The following KCNAB2 variants were observed in gnomAD, a reference collection of about 807,000 sequenced individuals.
The protein encoded by KCNAB2 is voltage-gated potassium channel subunit beta-2.
KCNAB2 carries 29 observed loss-of-function variants against 63.6 expected under a neutral mutation model. The observed-to-expected ratio is 0.46, with a 90% CI of 0.34 to 0.62. KCNAB2 has a LOEUF of 0.62. Among genes scored for constraint, KCNAB2 ranks in the 20% least tolerant of loss-of-function variants. The pLI, the probability that KCNAB2 is intolerant of heterozygous loss-of-function variation, is 0.01. For synonymous variants in KCNAB2, 222 were observed against 224.2 expected, an observed-to-expected ratio of 0.99 and a Z score of 0.09; for missense variants, 359 against 563.9, an observed-to-expected ratio of 0.64 and a Z score of 3.68.
rs955055846 is a variant in KCNAB2, at chr1:6,096,024, G to A, written c.948+400G>A. On this transcript the variant is annotated intron_variant, in intron 13 of 15. Coordinates refer to ENST00000378083, the MANE Select transcript of KCNAB2 (RefSeq NM_001199862.2). This position sits in a 1 kb window ranked among gnomAD's most constrained non-coding sequence, Gnocchi z 5.9. ...ACATGGAGGTGACCCTGGGAGAGGC[G>A]CCCCTCCCCACCACACAACCTCTGA... The A allele has an allele frequency of 1.0e-4, 47 of 457,378 alleles. No individual in the cohort carries two copies. Among genetic ancestry groups the A allele is most frequent in the South Asian group, 9.3e-5 (6 of 64,258 alleles). 28.3% of individuals were successfully genotyped at this position (457,378 alleles called of 1,614,324 possible).
chr1:6,062,093 G>A (rs1465831322), intron 2 of KCNAB2, among the ~76,000 whole-genome samples: 6 of 151,998 alleles, frequency 3.9e-5, no homozygotes, highest in Admixed American at 6.6e-5. Flanking sequence ...CAGGCGGATC[G>A]CCTGAGGTCG....
chr1:6,092,457 G>A lies in KCNAB2; in HGVS notation c.646+1150G>A, dbSNP rs1443787313. Among the ~76,000 whole-genome samples, 3 of 152,394 alleles carry A rather than the reference G, an allele frequency of 2.0e-5. No individual in the cohort carries two copies. The East Asian group carries it at 5.8e-4, about 29-fold the overall frequency. ...CCTTGGAGACCTGAGACAGCTGCCG[G>A]GGAGGGAGAGTGAGGGAACGGGGCT... On this transcript the variant is annotated intron_variant, in intron 10 of 15. Coordinates refer to ENST00000378083, the MANE Select transcript of KCNAB2 (RefSeq NM_001199862.2).
At chr1:6,036,291 C>T (rs1019615249) in intron 1 of KCNAB2, among the ~76,000 whole-genome samples, 2 of 151,958 alleles carry the variant, frequency 1.3e-5, no homozygotes, top group African/African-American at 4.8e-5. Context: ...TCACTTGAGG[C>T]CGGGAGTTGG....
At position 6,035,756 on chromosome 1, in the gene KCNAB2, T is replaced by G. The variant is rs1331069331; in HGVS notation, c.-53+962T>G. ...TAAACAGCTCTGGGGTTCAGGGGAG[T>G]GGTAGAGGGGGTGGGGTCTGCAGCA... On this transcript the variant is annotated intron_variant, in intron 1 of 15. Coordinates refer to the KCNAB2 transcript ENST00000164247. This position sits in a 1 kb window ranked among gnomAD's most constrained non-coding sequence, Gnocchi z 5.0. Among the ~76,000 whole-genome samples the G allele has an allele frequency of 2.3e-4, 30 of 133,116 alleles. No homozygotes were observed. The highest frequency in any genetic ancestry group is 4.9e-4 in the South Asian group (2 of 4,098). 87.3% of individuals were successfully genotyped at this position (133,116 alleles called of 152,430 possible).
At chr1:6,000,368 G>A (rs1335200455) in intron 1 of KCNAB2, among the ~76,000 whole-genome samples, 2 of 152,224 alleles carry the variant, frequency 1.3e-5, no homozygotes, top group African/African-American at 4.8e-5. Flanking sequence ...CCGTTCCGCA[G>A]GGACACAGGG....
intron 2 of KCNAB2, among the ~76,000 whole-genome samples, chr1:6,061,678 T>C (rs1557468460): frequency 6.6e-6 from 1 of 152,198 alleles, no homozygotes; most frequent in African/African-American, 2.4e-5. Flanking sequence ...CATGCACTGA[T>C]ACAGAGTAAT....
chr1:6,027,601 C>G (rs1419901893), intron 1 of KCNAB2: 1 of 152,202 alleles, frequency 6.6e-6, no homozygotes, highest in Non-Finnish European at 1.5e-5. Flanking sequence ...GTGGACTGTT[C>G]TTGCAAAAGT....
At chr1:6,012,655 A>T (rs1308777292) in intron 1 of KCNAB2, among the ~76,000 whole-genome samples, 1 of 120,740 alleles carries the variant, frequency 8.3e-6, no homozygotes, top group African/African-American at 3.3e-5. Flanking sequence ...GTTGTGGTGG[A>T]GGTGATGAAG....
Position 6,085,283 on chromosome 1 carries a change from G to A in KCNAB2, c.425+35G>A, listed in dbSNP as rs200963488. The A allele has an allele frequency of 3.7e-6, 6 of 1,600,904 alleles. 1 individual carries two copies. In the South Asian group the frequency reaches 4.4e-5, roughly 12 times the overall value. ...CTGCTCTCTGCGGCCTGTCCCTGGG[G>A]TGGGTGCGGGCGAACTATCCCAGGG... On this transcript the variant is annotated intron_variant, in intron 6 of 15. Coordinates refer to ENST00000378083, the MANE Select transcript of KCNAB2 (RefSeq NM_001199862.2).
At chr1:6,057,364 C>T (rs1259665503) in intron 2 of KCNAB2, among the ~76,000 whole-genome samples, 1 of 152,066 alleles carries the variant, frequency 6.6e-6, no homozygotes, top group Non-Finnish European at 1.5e-5. Flanking sequence ...GCTCAGTTAA[C>T]CATAGGCCAT....
intron 2 of KCNAB2, among the ~76,000 whole-genome samples, chr1:6,068,569 GC>G (rs1172892705): frequency 6.6e-6 from 1 of 152,184 alleles, no homozygotes; most frequent in Non-Finnish European, 1.5e-5. Flanking sequence ...TAGGTTCATA[GC>G]CCTGTAGGAT....
upstream of KCNAB2, chr1:6,041,963 G>C: frequency 8.3e-7 from 1 of 1,201,742 alleles, no homozygotes; most frequent in Non-Finnish European, 1.2e-6. Context: ...GGGTGTGCTG[G>C]TGTATTCTCT....
intron 1 of KCNAB2, among the ~76,000 whole-genome samples, chr1:6,046,985 C>T (rs1223580955): frequency 6.6e-6 from 1 of 152,166 alleles, no homozygotes; most frequent in Non-Finnish European, 1.5e-5. Context: ...CACGTGAATT[C>T]CCCTGGGCCC....
At chr1:6,002,975 C>CGTCTCTGT (rs1657343607) in intron 1 of KCNAB2, among the ~76,000 whole-genome samples, 2 of 152,036 alleles carry the variant, frequency 1.3e-5, no homozygotes, top group South Asian at 4.1e-4. Flanking sequence ...CAGCTCCTCC[C>CGTCTCTGT]GTCTCTGTGT....
At chr1:6,048,122 T>C (rs1032875581) in intron 1 of KCNAB2, among the ~76,000 whole-genome samples, 31 of 152,230 alleles carry the variant, frequency 2.0e-4, no homozygotes, top group African/African-American at 7.5e-4. Context: ...CACCATCTTG[T>C]TGTGAAGGGG....
intron 2 of KCNAB2, among the ~76,000 whole-genome samples, chr1:6,061,416 A>C (rs1390925667): frequency 6.6e-6 from 1 of 152,178 alleles, no homozygotes; most frequent in Non-Finnish European, 1.5e-5. Context: ...GTGTCCCCAC[A>C]CATGAATGTT....
chr1:6,046,375 G>A (rs867591158), intron 1 of KCNAB2, among the ~76,000 whole-genome samples, 192 bp downstream of exon 1: 1 of 152,220 alleles, frequency 6.6e-6, no homozygotes, highest in African/African-American at 2.4e-5. Flanking sequence ...TGGAATGACC[G>A]TGATGGATGG....
intron 1 of KCNAB2, among the ~76,000 whole-genome samples, chr1:6,016,738 G>C (rs147344506): frequency 6.6e-6 from 1 of 152,178 alleles, no homozygotes; most frequent in Admixed American, 6.5e-5. Flanking sequence ...ACACTAATAC[G>C]TCCCACTGGA....
chr1:5,995,382 G>C (rs1030908101), intron 1 of KCNAB2, among the ~76,000 whole-genome samples: 1 of 152,242 alleles, frequency 6.6e-6, no homozygotes, highest in Non-Finnish European at 1.5e-5. Context: ...TTTGAGCCCA[G>C]TTCATGCCTT....
Sources: gnomAD v4.1 joint callset for allele counts (sites outside exome capture counted in the v4.1 genomes callset) on GRCh38, gnomAD v4.1.1 for gene constraint, Gnocchi (gnomAD v3.1) non-coding constraint, MANE v1.5 for transcripts, NCBI Gene and HGNC (gene_info 2026-07-23, HGNC 2026-07-21) for gene names.